MYO5B: variants seen among roughly 807,000 people sequenced by gnomAD.
The protein encoded by MYO5B is myosin VB, also known as unconventional myosin-Vb.
In MYO5B, 143 loss-of-function variants were observed where a neutral mutation model predicts 229.3. That is an observed-to-expected ratio of 0.62 (90% CI 0.54 to 0.72). The LOEUF (loss-of-function observed/expected upper bound fraction) is 0.72. MYO5B is among the 30% of genes least tolerant of loss of function. MYO5B has a pLI of 0.00. For missense variants in MYO5B, 2,321 were observed against 2,331.0 expected (o/e 1.00, Z 0.09); for synonymous variants, 918 against 885.2 (o/e 1.04, Z -0.66).
chr18:50,187,885 C>A (rs1010222399), intron 1 of MYO5B, among the ~76,000 whole-genome samples: 1 of 152,110 alleles, frequency 6.6e-6, no homozygotes, highest in Non-Finnish European at 1.5e-5. Flanking sequence ...TAGAGGGGGG[C>A]AGGGAGCTAC....
intron 1 of MYO5B, among the ~76,000 whole-genome samples, chr18:50,072,043 C>A (rs1004234108): frequency 6.6e-6 from 1 of 152,222 alleles, no homozygotes; most frequent in Non-Finnish European, 1.5e-5. Context: ...TAGAAGTCAT[C>A]AAGGTCTCCT....
intron 2 of MYO5B, among the ~76,000 whole-genome samples, chr18:50,046,718 A>T (rs2030237497): frequency 6.6e-6 from 1 of 152,202 alleles, no homozygotes. Context: ...TGTCCTAGAC[A>T]AGCACAAAAA....
rs575649960 is a variant in MYO5B, at chr18:50,180,923, G to A, written c.27+13844C>T. On this transcript the variant is annotated intron_variant, in intron 1 of 39. Transcript: ENST00000285039. ...TCATTCATCCATTCATCATTCCTTG[G>A]AATAGTCAAAAGGGTGCTCCCTGCT... Among the ~76,000 whole-genome samples, 96 of 152,216 alleles carry A rather than the reference G, an allele frequency of 6.3e-4. 2 individuals are homozygous for A. The South Asian group carries it at 0.014, about 22-fold the overall frequency.
chr18:49,993,070 A>G (rs1297969622), intron 5 of MYO5B, among the ~76,000 whole-genome samples: 1 of 152,102 alleles, frequency 6.6e-6, no homozygotes, highest in African/African-American at 2.4e-5. Flanking sequence ...AGTTCAAAAC[A>G]CTAGACGATA....
At chr18:49,898,871 T>C (rs1176014762) in intron 21 of MYO5B, among the ~76,000 whole-genome samples, 1 of 152,208 alleles carries the variant, frequency 6.6e-6, no homozygotes. Context: ...TACTGACTTC[T>C]TGGCAGTGAG....
At chr18:50,139,215 T>C (rs762733472) in intron 1 of MYO5B, among the ~76,000 whole-genome samples, 34 of 152,306 alleles carry the variant, frequency 2.2e-4, no homozygotes, top group Middle Eastern at 3.4e-3. Context: ...AGATGTGAGA[T>C]GTGGGGGGCC....
intron 12 of MYO5B, among the ~76,000 whole-genome samples, chr18:49,958,451 G>C (rs187617269): frequency 3.3e-5 from 5 of 152,218 alleles, no homozygotes; most frequent in African/African-American, 1.2e-4. Context: ...TTCCTTCATG[G>C]GGAAATAGAA....
chr18:49,943,098 C>T (rs1388018745), intron 14 of MYO5B, among the ~76,000 whole-genome samples: 1 of 151,566 alleles, frequency 6.6e-6, no homozygotes, highest in Admixed American at 6.6e-5. Context: ...CCATCATTCT[C>T]AGCAAACTAT....
At chr18:49,962,133 G>A (rs906114818) in intron 12 of MYO5B, 133 bp downstream of exon 12, 14 of 1,164,148 alleles carry the variant, frequency 1.2e-5, no homozygotes, top group Admixed American at 3.4e-5. Flanking sequence ...CTAGTATGCA[G>A]CCTGCCAACG....
intron 1 of MYO5B, among the ~76,000 whole-genome samples, chr18:50,080,865 C>G (rs911929125): frequency 1.3e-5 from 2 of 152,124 alleles, no homozygotes; most frequent in African/African-American, 4.8e-5. Context: ...GGGAAGAAGG[C>G]ATAGGAGGGG....
intron 12 of MYO5B, among the ~76,000 whole-genome samples, chr18:49,956,862 A>T (rs1423951110): frequency 6.6e-6 from 1 of 152,182 alleles, no homozygotes; most frequent in African/African-American, 2.4e-5. Context: ...TTAAATGCCC[A>T]GAATAGGCAA....
intron 12 of MYO5B, among the ~76,000 whole-genome samples, chr18:49,958,854 C>T (rs2025525275): frequency 6.6e-6 from 1 of 152,198 alleles, no homozygotes; most frequent in Non-Finnish European, 1.5e-5. Context: ...CACATGGCCT[C>T]AGGGTGCTGC....
At chr18:49,984,851 T>C in intron 7 of MYO5B, 26 bp from the exon 8 acceptor site, 3 of 1,483,254 alleles carry the variant, frequency 2.0e-6, no homozygotes, top group Non-Finnish European at 2.8e-6. Context: ...AAATAAGGCA[T>C]GAGGCACTGG....
At chr18:49,894,811 G>A in intron 22 of MYO5B, 130 bp downstream of exon 22, 1 of 782,326 alleles carries the variant, frequency 1.3e-6, no homozygotes, top group Non-Finnish European at 2.2e-6. Context: ...ACAGATGAAT[G>A]GTCAGTCTGT....
At position 49,891,766 on chromosome 18, in the gene MYO5B, A is replaced by G. The variant is rs937797670; in HGVS notation, c.3045+3175T>C. On this transcript the variant is annotated intron_variant, in intron 22 of 39. Coordinates refer to ENST00000285039, the MANE Select transcript of MYO5B (RefSeq NM_001080467.3). The stretch of plus-strand genomic sequence containing the variant: ...CCCATTCCCCAAGCCAGATCTCTCT[A>G]CCTCTATTTGGAGAAATCAAAACCT... Among the ~76,000 whole-genome samples the G allele has an allele frequency of 2.6e-5, 4 of 152,186 alleles. No individual in the cohort carries two copies. The South Asian group carries it at 6.2e-4, about 24-fold the overall frequency.
Position 49,974,342 on chromosome 18 carries a change from A to AG in MYO5B, c.1322+7dup. 6.2e-7 allele frequency: 1 copy of AG among 1,614,226 alleles called. No individual in the cohort carries two copies. The highest frequency in any genetic ancestry group is 8.5e-7 in the Non-Finnish European group (1 of 1,180,026). The stretch of plus-strand genomic sequence containing the variant: ...TAGCAGATAGAGCGAGACAGGCGGC[A>AG]GGCCTACCCATAGATGTCCAGGACC... On this transcript the variant is annotated splice_region_variant and intron_variant, in intron 10 of 39. Transcript: ENST00000285039.
intron 39 of MYO5B, among the ~76,000 whole-genome samples, chr18:49,834,656 G>C (rs1346879477): frequency 6.8e-6 from 1 of 146,484 alleles, no homozygotes; most frequent in Non-Finnish European, 1.5e-5. Context: ...TTTTTTTTTT[G>C]AGACAAGAGT....
chr18:49,936,326 G>T lies in MYO5B; in HGVS notation c.1929C>A (p.Leu643=). ...GTGTCGTGGCATTCAGGGTCTCCAT[G>T]AGCAGATGCAGGGAGGTACGGAACT... ...GHQFRTSLHL[L]METLNATTPH... The change falls in exon 16 of 40, where the codon CTC becomes CTA. Residue 643 remains leucine (L), a synonymous_variant. Coordinates refer to ENST00000285039, the MANE Select transcript of MYO5B (RefSeq NM_001080467.3). 6.2e-7 allele frequency: 1 copy of T among 1,601,732 alleles called. No individual in the cohort carries two copies. The highest frequency in any genetic ancestry group is 8.5e-7 in the Non-Finnish European group (1 of 1,173,302).
chr18:50,090,892 G>A (rs1385162628), intron 1 of MYO5B, among the ~76,000 whole-genome samples: 1 of 152,200 alleles, frequency 6.6e-6, no homozygotes, highest in Non-Finnish European at 1.5e-5. Flanking sequence ...AAAGTTCTGG[G>A]TCTGGAATTC....
Sources: allele counts gnomAD v4.1 joint callset (sites outside exome capture counted in the v4.1 genomes callset), GRCh38; gene constraint gnomAD v4.1.1; transcripts MANE v1.5; gene names NCBI Gene and HGNC (gene_info 2026-07-23, HGNC 2026-07-21).